The following PKHD1 variants were observed in gnomAD, a reference collection of about 807,000 sequenced individuals.
The protein encoded by PKHD1 is PKHD1 ciliary IPT domain containing fibrocystin/polyductin.
In PKHD1, 291 loss-of-function variants were observed where a neutral mutation model predicts 412.0. The observed-to-expected ratio is 0.71, with a 90% CI of 0.64 to 0.78. PKHD1 has a LOEUF of 0.78. Ranked by LOEUF, PKHD1 falls within the 30% of genes least tolerant of loss-of-function variation. The pLI is 0.00. For synonymous variants in PKHD1, 1,777 were observed against 1,821.5 expected (o/e 0.98, Z 0.62); for missense variants, 4,825 against 4,950.7 (o/e 0.97, Z 0.76).
Position 51,791,578 on chromosome 6 carries a change from T to C in PKHD1, c.8303-205A>G, listed in dbSNP as rs148698780. Among the ~76,000 whole-genome samples the C allele has an allele frequency of 1.3e-4, 20 of 152,304 alleles. No homozygotes were observed. In the East Asian group the frequency reaches 3.9e-3, roughly 29 times the overall value. ...TCTGATTGATAAATGCTGCAATTGC[T>C]TAACATACCACATTCATGGACAAAA... On this transcript the variant is annotated intron_variant, in intron 52 of 66. Transcript: ENST00000371117.
At chr6:51,712,392 C>T (rs1406135814) in intron 60 of PKHD1, among the ~76,000 whole-genome samples, 2 of 152,044 alleles carry the variant, frequency 1.3e-5, no homozygotes, top group South Asian at 2.1e-4. Context: ...ATGAAGACTT[C>T]CCTTTGTTTT....
intron 52 of PKHD1, among the ~76,000 whole-genome samples, chr6:51,818,185 CAACA>C (rs1325233700): frequency 2.6e-5 from 4 of 152,170 alleles, no homozygotes; most frequent in African/African-American, 4.8e-5. Flanking sequence ...CACAGCAGCC[CAACA>C]AACAGAATCC....
chr6:51,654,209 A>G (rs1323892149), intron 61 of PKHD1, among the ~76,000 whole-genome samples: 2 of 152,170 alleles, frequency 1.3e-5, no homozygotes, highest in Non-Finnish European at 2.9e-5. Context: ...AATAAATTTT[A>G]TAAAGATTAA....
chr6:51,958,286 G>A (rs1274083521), intron 36 of PKHD1, among the ~76,000 whole-genome samples: 1 of 152,072 alleles, frequency 6.6e-6, no homozygotes. Flanking sequence ...ATGAGGGTTT[G>A]CCTTTCCAAA....
In PKHD1 at chr6:51,799,081, C is replaced by T. The variant is rs567575514; in HGVS notation, c.8303-7708G>A. Reference sequence around the variant, plus strand: ...TTATAACCACTTGAGAACAGGAACACAGCTGATGTTCTCACTTTTATTTTC... The same window carrying T: ...TTATAACCACTTGAGAACAGGAACATAGCTGATGTTCTCACTTTTATTTTC... On this transcript the variant is annotated intron_variant, in intron 52 of 66. Transcript: ENST00000371117. 2.8e-4 allele frequency among the ~76,000 whole-genome samples: 43 copies of T among 151,462 alleles called. 2 individuals carry two copies. The highest frequency in any genetic ancestry group is 6.8e-3 in the Middle Eastern group (2 of 292).
At chr6:52,060,221 T>G (rs534679945) in intron 14 of PKHD1, among the ~76,000 whole-genome samples, 179 bp from the exon 15 acceptor site, 1 of 152,324 alleles carries the variant, frequency 6.6e-6, no homozygotes, top group South Asian at 2.1e-4. Flanking sequence ...CTAGTCTCAG[T>G]AGCCCAATAC....
chr6:51,823,500 T>TCC (rs1766801535), intron 52 of PKHD1, among the ~76,000 whole-genome samples: 1 of 152,074 alleles, frequency 6.6e-6, no homozygotes. Context: ...TCCAGCAAGT[T>TCC]AGCAAGCCAT....
chr6:51,696,518 CT>C (rs1474594696), intron 60 of PKHD1, among the ~76,000 whole-genome samples: 7 of 152,346 alleles, frequency 4.6e-5, no homozygotes, highest in Admixed American at 4.6e-4. Context: ...GCAACCTCCC[CT>C]GATCCATTAT....
intron 65 of PKHD1, among the ~76,000 whole-genome samples, chr6:51,628,675 ATT>A (rs1347091730): frequency 6.6e-6 from 1 of 152,172 alleles, no homozygotes; most frequent in Non-Finnish European, 1.5e-5. Flanking sequence ...GGCTGAACTA[ATT>A]TACATTCCCA....
chr6:51,704,491 T>C (rs1779789966), intron 60 of PKHD1, among the ~76,000 whole-genome samples: 1 of 152,034 alleles, frequency 6.6e-6, no homozygotes, highest in Non-Finnish European at 1.5e-5. Flanking sequence ...TTTAGACTAG[T>C]AAAAGAAGAA....
At chr6:51,644,996 A>G (rs1581810221) in intron 63 of PKHD1, among the ~76,000 whole-genome samples, 1 of 152,192 alleles carries the variant, frequency 6.6e-6, no homozygotes, top group East Asian at 1.9e-4. Context: ...GAATTTTTAA[A>G]GAGTGGTAAA....
chr6:52,013,486 C>A (rs1347146061), intron 34 of PKHD1, among the ~76,000 whole-genome samples: 1 of 152,128 alleles, frequency 6.6e-6, no homozygotes, highest in Non-Finnish European at 1.5e-5. Context: ...TACAAAATTT[C>A]AAAGCTTCTA....
chr6:52,009,247 A>G (rs1339165305), intron 35 of PKHD1, among the ~76,000 whole-genome samples: 1 of 152,214 alleles, frequency 6.6e-6, no homozygotes, highest in Non-Finnish European at 1.5e-5. Flanking sequence ...TGCAGAGGCC[A>G]CAGAGTGGAC....
chr6:51,737,129 A>T, intron 60 of PKHD1, among the ~76,000 whole-genome samples: 1 of 152,170 alleles, frequency 6.6e-6, no homozygotes, highest in East Asian at 1.9e-4. Context: ...GAAGTAACAC[A>T]ATTTGAAAAA....
chr6:51,753,371 GT>G lies in PKHD1; in HGVS notation c.8798-19del, dbSNP rs112525785. On this transcript the variant is annotated intron_variant, in intron 56 of 66. Coordinates refer to ENST00000371117, the MANE Select transcript of PKHD1 (RefSeq NM_138694.4). The stretch of plus-strand genomic sequence containing the variant: ...TACACTTCCTGGGGCAATAGGAGTT[GT>G]GGGAAAAAAAAACTTTAAAAACCTG... The G allele has an allele frequency of 0.016, 25,342 of 1,607,604 alleles. 1,587 individuals are homozygous for G. The African/African-American group carries it at 0.17, about 11-fold the overall frequency.
chr6:51,840,962 ATAT>A (rs1238637416), intron 50 of PKHD1, among the ~76,000 whole-genome samples: 2 of 152,222 alleles, frequency 1.3e-5, no homozygotes, highest in African/African-American at 4.8e-5. Context: ...GATTTCATGG[ATAT>A]TATTAAGAAA....
intron 25 of PKHD1, among the ~76,000 whole-genome samples, chr6:52,044,142 T>C (rs573057489): frequency 3.0e-4 from 46 of 152,330 alleles, no homozygotes; most frequent in African/African-American, 1.1e-3. Flanking sequence ...TCTGTGAATA[T>C]ATAACTAAAG....
chr6:51,789,673 A>C (rs183553536), intron 53 of PKHD1, among the ~76,000 whole-genome samples: 36 of 152,310 alleles, frequency 2.4e-4, no homozygotes, highest in Middle Eastern at 6.8e-3. Flanking sequence ...TTGAGTGATC[A>C]CTTCATTTCC....
At chr6:52,055,864 C>A (rs1407861592) in intron 18 of PKHD1, 135 bp from the exon 19 acceptor site, 5 of 836,412 alleles carry the variant, frequency 6.0e-6, no homozygotes, top group Non-Finnish European at 9.2e-6. Flanking sequence ...ACCCATGCAA[C>A]CTTGAGTAAG....
Sources: allele counts gnomAD v4.1 joint callset (sites outside exome capture counted in the v4.1 genomes callset), GRCh38; gene constraint gnomAD v4.1.1; transcripts MANE v1.5; gene names NCBI Gene and HGNC (gene_info 2026-07-23, HGNC 2026-07-21).